The following RSF1 variants were observed in gnomAD, a reference collection of about 807,000 sequenced individuals.
The protein encoded by RSF1 is HBV pX-associated protein 8.
RSF1 carries 13 observed loss-of-function variants against 145.2 expected under a neutral mutation model. The ratio of observed to expected loss-of-function variants is 0.09; its 90% CI spans 0.06 to 0.14. The LOEUF (loss-of-function observed/expected upper bound fraction) is 0.14, where lower values mean the gene tolerates loss of function less well. Among genes scored for constraint, RSF1 ranks in the 10% least tolerant of loss-of-function variants. The pLI is 1.00. For missense variants in RSF1, 1,517 were observed against 1,718.2 expected (o/e 0.88, Z 2.07); for synonymous variants, 577 against 592.6 (o/e 0.97, Z 0.38).
intron 2 of RSF1, among the ~76,000 whole-genome samples, chr11:77,749,447 G>C (rs1948037188): frequency 6.6e-6 from 1 of 152,160 alleles, no homozygotes; most frequent in East Asian, 1.9e-4. Context: ...GACTATCCCA[G>C]AGGCTAATGC....
intron 2 of RSF1, among the ~76,000 whole-genome samples, chr11:77,755,298 G>C (rs1264295833): frequency 6.6e-6 from 1 of 152,160 alleles, no homozygotes; most frequent in African/African-American, 2.4e-5. Context: ...TGGTTTGGAG[G>C]TAGAATTATC....
chr11:77,856,030 G>GA, the RSF1 span, among the ~76,000 whole-genome samples: 3 of 152,102 alleles, frequency 2.0e-5, no homozygotes, highest in Non-Finnish European at 4.4e-5. Context: ...GAGGTAGGGG[G>GA]ATTCCTTGAG....
chr11:77,740,580 G>A (rs879178949), intron 4 of RSF1, 151 bp downstream of exon 4: 2 of 639,896 alleles, frequency 3.1e-6, no homozygotes, highest in South Asian at 3.8e-5. Flanking sequence ...CATACTATGG[G>A]TATTACGCTG....
chr11:77,777,567 T>G (rs1171550501), intron 1 of RSF1, among the ~76,000 whole-genome samples: 2 of 152,154 alleles, frequency 1.3e-5, no homozygotes, highest in Non-Finnish European at 2.9e-5. Context: ...CACTCCAGCC[T>G]GGGCAACAAG....
At chr11:77,867,757 C>T in the RSF1 span, among the ~76,000 whole-genome samples, 1 of 152,166 alleles carries the variant, frequency 6.6e-6, no homozygotes, top group Non-Finnish European at 1.5e-5. Context: ...AAGAAGCTAC[C>T]ATCCTTTAAT....
rs768176091 is a variant in RSF1, at chr11:77,702,404, A to T, written c.825T>A (p.Thr275=). 6.2e-7 allele frequency: 1 copy of T among 1,608,390 alleles called. No individual in the cohort carries two copies. Among genetic ancestry groups the T allele is most frequent in the Admixed American group, 1.7e-5 (1 of 58,808 alleles). The part of the protein sequence containing the change: ...RSTANVLEET[T]VKKEKEDEKE... ...TTTCATCTTCTTTTTCTTTTTTCAC[A>T]GTAGTCTCTTCTAGAACATTGGCTG... Residue 275 remains threonine, a synonymous_variant, in exon 6 of 16, where the codon ACT becomes ACA. Transcript: ENST00000308488.
At chr11:77,667,715 T>C (rs887720988) in intron 15 of RSF1, among the ~76,000 whole-genome samples, 5 of 152,186 alleles carry the variant, frequency 3.3e-5, no homozygotes, top group African/African-American at 1.2e-4. Flanking sequence ...TTTTCTTTTT[T>C]TTTATTGAGA....
At chr11:77,867,665 T>C in the RSF1 span, among the ~76,000 whole-genome samples, 1 of 152,180 alleles carries the variant, frequency 6.6e-6, no homozygotes, top group Non-Finnish European at 1.5e-5. Flanking sequence ...TGCAGAAACA[T>C]AACAGGTGGA....
rs1960419471 is a variant in RSF1, at chr11:77,701,415, G to A, written c.1814C>T (p.Pro605Leu). ...ACTCTTTGGAACTTCTTCTGGTATT[G>A]GACTCAATCTTTGTGCGTCCTTATC... is the stretch of plus-strand genomic sequence containing the variant. The part of the protein sequence containing the change: ...FLDKDAQRLS[P>L]IPEEVPKSTL... Residue 605 changes from proline (P) to leucine (L), a missense_variant, in exon 6 of 16, where the codon CCA becomes CTA. By Grantham distance (98) the Pro-to-Leu change is moderately conservative. Coordinates refer to ENST00000308488, the MANE Select transcript of RSF1 (RefSeq NM_016578.4). The A allele has an allele frequency of 1.2e-6, 2 of 1,613,858 alleles. No individual in the cohort carries two copies. Among genetic ancestry groups the A allele is most frequent in the Non-Finnish European group, 8.5e-7 (1 of 1,179,986 alleles).
In RSF1 at chr11:77,701,922, T is replaced by C. The variant is rs775299196; in HGVS notation, c.1307A>G (p.His436Arg). 28 of 1,613,720 alleles carry C rather than the reference T, an allele frequency of 1.7e-5. No individual in the cohort carries two copies. The East Asian group carries it at 2.5e-4, about 14-fold the overall frequency. The change falls in exon 6 of 16, where the codon CAT becomes CGT. Residue 436 changes from histidine (H) to arginine (R), a missense_variant. Physicochemically the swap from His to Arg is conservative, Grantham distance 29 (BLOSUM62 0). This residue lies in a region of RSF1 where 579 missense variants were observed against 553.5 expected (regional missense o/e 1.05). Transcript: ENST00000308488. ...TCCATTTACCAGCTGTTTCCCTTCA[T>C]GACCCAAAGCAGTGATTGTAGAGAT... ...KRISTITALGHEGKQLVNGEV... is the reference protein window; with the variant it reads ...KRISTITALGREGKQLVNGEV...
the RSF1 span, chr11:77,850,528 AG>A: frequency 6.6e-6 from 1 of 152,186 alleles, no homozygotes; most frequent in African/African-American, 2.4e-5. Context: ...TTAGACTGAA[AG>A]GGGTCAAGAA....
intron 5 of RSF1, among the ~76,000 whole-genome samples, chr11:77,706,891 A>G (rs1441418462): frequency 6.6e-6 from 1 of 152,174 alleles, no homozygotes; most frequent in East Asian, 1.9e-4. Flanking sequence ...TGGGTTGCCA[A>G]TGATTGCATA....
Position 77,734,530 on chromosome 11 carries a change from A to C in RSF1, c.578+6201T>G, listed in dbSNP as rs1182271773. 1.9e-6 allele frequency: 3 copies of C among 1,584,028 alleles called. No homozygotes were observed. In the African/African-American group the frequency reaches 4.0e-5, roughly 21 times the overall value. On this transcript the variant is annotated intron_variant, in intron 4 of 15. Transcript: ENST00000308488. ...GTGCTTGTCAAAGAGATATTCTGCC[A>C]AGCCAGATTCGAGTGCTCCCATCTT...
intron 1 of RSF1, among the ~76,000 whole-genome samples, chr11:77,777,363 G>C (rs150076228): frequency 6.6e-6 from 1 of 152,086 alleles, no homozygotes; most frequent in Non-Finnish European, 1.5e-5. Flanking sequence ...AGGCTGCAGC[G>C]GGTGGATCCC....
intron 1 of RSF1, among the ~76,000 whole-genome samples, chr11:77,796,002 G>A (rs1390973030): frequency 1.3e-5 from 2 of 152,148 alleles, no homozygotes; most frequent in South Asian, 2.1e-4. Context: ...GCGTAGAGGC[G>A]TTTATAGCAT....
intron 1 of RSF1, among the ~76,000 whole-genome samples, chr11:77,800,998 T>TTC (rs1264697437): frequency 1.3e-5 from 2 of 150,146 alleles, no homozygotes; most frequent in Non-Finnish European, 3.0e-5. Flanking sequence ...GAGCCAGGCC[T>TTC]TCTCTCTCTC....
chr11:77,725,337 A>C (rs1050522937), intron 5 of RSF1, among the ~76,000 whole-genome samples: 1 of 152,168 alleles, frequency 6.6e-6, no homozygotes, highest in East Asian at 1.9e-4. Context: ...TTTTACTAAG[A>C]TATTTTTAAA....
At chr11:77,850,397 A>G in the RSF1 span, among the ~76,000 whole-genome samples, 2 of 152,202 alleles carry the variant, frequency 1.3e-5, no homozygotes, top group Admixed American at 6.5e-5. Flanking sequence ...TCTAAAGCCC[A>G]TACTTTCCTT....
chr11:77,742,188 A>T (rs904653563), intron 3 of RSF1, among the ~76,000 whole-genome samples: 1 of 152,182 alleles, frequency 6.6e-6, no homozygotes, highest in African/African-American at 2.4e-5. Context: ...ATCATATGGT[A>T]GTTCTATTTT....
Sources: allele counts gnomAD v4.1 joint callset (sites outside exome capture counted in the v4.1 genomes callset), GRCh38; gene constraint gnomAD v4.1.1; regional missense constraint gnomAD v4.1.1; transcripts MANE v1.5; gene names NCBI Gene and HGNC (gene_info 2026-07-23, HGNC 2026-07-21).